The following ARHGAP1 variants were observed in gnomAD, a reference collection of about 807,000 sequenced individuals.
ARHGAP1 encodes rho GTPase-activating protein 1.
A neutral mutation model predicts 52.2 loss-of-function variants in ARHGAP1; 23 were observed. The ratio of observed to expected loss-of-function variants is 0.44; its 90% confidence interval spans 0.32 to 0.62. The LOEUF (loss-of-function observed/expected upper bound fraction) is 0.62. Ranked by LOEUF, ARHGAP1 falls within the 20% of genes least tolerant of loss-of-function variation. ARHGAP1 has a pLI of 0.05. For missense variants in ARHGAP1, 480 were observed against 560.9 expected, an observed-to-expected ratio of 0.86 and a Z score of 1.46; for synonymous variants, 210 against 228.4, an observed-to-expected ratio of 0.92 and a Z score of 0.73.
In ARHGAP1 at chr11:46,680,796, ACT is replaced by A. The variant is rs558151405; in HGVS notation, c.636-51_636-50del. ...TCAGGTCCTGCCTGGCTCTGGAGTCACTCTGCCAATTCAATCAAGCATTGACC... is the reference window on the plus strand; with the variant it reads ...TCAGGTCCTGCCTGGCTCTGGAGTCACTGCCAATTCAATCAAGCATTGACC... On this transcript the variant is annotated intron_variant, in intron 7 of 12. Transcript: ENST00000311956. The surrounding 1 kb of genome is among the most constrained non-coding windows in gnomAD (Gnocchi z 5.9). 26 of 1,388,864 alleles carry A rather than the reference ACT, an allele frequency of 1.9e-5. No homozygotes were observed. The highest frequency in any genetic ancestry group is 2.5e-5 in the Non-Finnish European group (26 of 1,024,824). The allele number at this position is 1,388,864 out of a possible 1,614,324, so 86.0% of individuals were successfully genotyped here. A position where few individuals can be genotyped will look rare whatever the true frequency, so the allele number is the denominator to read the frequency against.
chr11:46,678,666 C>T lies in ARHGAP1; in HGVS notation c.*371G>A. On this transcript the variant is annotated 3_prime_UTR_variant, in exon 13 of 13. Transcript: ENST00000311956. ...CAGCAATCAAGAGGGGAGGACTGGC[C>T]CCTGCTACCAGCCCAGCCGGCAGTC... The T allele has an allele frequency of 4.5e-6, 1 of 223,740 alleles. No homozygotes were observed. Among genetic ancestry groups the T allele is most frequent in the Non-Finnish European group, 8.9e-6 (1 of 111,768 alleles). 13.9% of individuals were successfully genotyped at this position (223,740 alleles called of 1,614,324 possible). A position where few individuals can be genotyped will look rare whatever the true frequency, so the allele number is the denominator to read the frequency against.
At chr11:46,700,323 G>A (rs565958372) in intron 1 of ARHGAP1, among the ~76,000 whole-genome samples, 2 of 152,042 alleles carry the variant, frequency 1.3e-5, no homozygotes, top group South Asian at 4.2e-4. Flanking sequence ...CTGCCCTGGG[G>A]AAGGCAGGAA....
intron 4 of ARHGAP1, among the ~76,000 whole-genome samples, chr11:46,683,528 G>A (rs2064544332): frequency 6.6e-6 from 1 of 152,088 alleles, no homozygotes; most frequent in Admixed American, 6.6e-5. Context: ...CTCATGACAC[G>A]CTATCTACCA....
intron 1 of ARHGAP1, chr11:46,697,408 T>C (rs934930441): frequency 2.0e-5 from 3 of 152,062 alleles, no homozygotes; most frequent in Non-Finnish European, 4.4e-5. Context: ...AAAACTGACA[T>C]ATATGGTCAG....
rs956678876 is a variant in ARHGAP1, at chr11:46,680,340, GCCC to G, written c.821-61_821-59del. On this transcript the variant is annotated intron_variant, in intron 9 of 12. Transcript: ENST00000311956. This position sits in a 1 kb window ranked among gnomAD's most constrained non-coding sequence, Gnocchi z 5.9. ...GCGCTGGGCACCGGCTGGATTCCCT[GCCC>G]CTTCTCTGTCTTGGGGTTCTAGGCA... 2.6e-5 allele frequency: 41 copies of G among 1,596,176 alleles called. No individual in the cohort carries two copies. The highest frequency in any genetic ancestry group is 5.4e-5 in the African/African-American group (4 of 74,580).
rs1004194001 is a variant in ARHGAP1 at position 46,681,468 on chromosome 11, CAG to C, written c.450-91_450-90del. On this transcript the variant is annotated intron_variant, in intron 5 of 12. Coordinates refer to ENST00000311956, the MANE Select transcript of ARHGAP1 (RefSeq NM_004308.5). This position sits in a 1 kb window ranked among gnomAD's most constrained non-coding sequence, Gnocchi z 5.7. ...CAGTGCATACTTTTTTTTTTTGAGA[CAG>C]AGTCTCCTTCACCCAGGCTGGAGTG... 30 of 944,838 alleles carry C rather than the reference CAG, an allele frequency of 3.2e-5. No individual in the cohort carries two copies. Among genetic ancestry groups the C allele is most frequent in the African/African-American group, 4.9e-5 (3 of 61,352 alleles). 58.5% of individuals were successfully genotyped at this position (944,838 alleles called of 1,614,324 possible).
chr11:46,692,296 G>A (rs1229855392), intron 3 of ARHGAP1, among the ~76,000 whole-genome samples: 1 of 152,172 alleles, frequency 6.6e-6, no homozygotes, highest in Non-Finnish European at 1.5e-5. Flanking sequence ...CTGGGAAGAG[G>A]GGGCCTCATC....
In ARHGAP1 at chr11:46,677,187, A is replaced by G. The variant is rs1200364140; in HGVS notation, c.*1850T>C. ...AATGTGAACACTGGATTCACACAGT[A>G]CAAGCACCCGCTCCCTGGGGTACAG... On this transcript the variant is annotated 3_prime_UTR_variant, in exon 13 of 13. Coordinates refer to ENST00000311956, the MANE Select transcript of ARHGAP1 (RefSeq NM_004308.5). The G allele has an allele frequency of 1.3e-5, 2 of 152,644 alleles. No homozygotes were observed. Among genetic ancestry groups the G allele is most frequent in the East Asian group, 3.8e-4 (2 of 5,198 alleles). 9.5% of individuals were successfully genotyped at this position (152,644 alleles called of 1,614,324 possible). A position where few individuals can be genotyped will look rare whatever the true frequency, so the allele number is the denominator to read the frequency against.
intron 3 of ARHGAP1, among the ~76,000 whole-genome samples, chr11:46,693,931 C>T (rs905663887): frequency 1.3e-5 from 2 of 152,218 alleles, no homozygotes; most frequent in African/African-American, 4.8e-5. Context: ...CAGCACACCA[C>T]TGGAAAGAAC....
chr11:46,687,433 G>A (rs2064579689), intron 4 of ARHGAP1: 1 of 152,314 alleles, frequency 6.6e-6, no homozygotes, highest in Admixed American at 6.5e-5. Flanking sequence ...GTCTCAAAGA[G>A]CTGCTTGGGA....
chr11:46,686,685 C>G (rs2064571253), intron 4 of ARHGAP1: 1 of 150,300 alleles, frequency 6.7e-6, no homozygotes, highest in Non-Finnish European at 1.5e-5. Flanking sequence ...TCCCAAAGTG[C>G]TAGGATTACA....
intron 2 of ARHGAP1, 75 bp from the exon 3 acceptor site, chr11:46,695,830 G>A: frequency 6.4e-7 from 1 of 1,573,864 alleles, no homozygotes; most frequent in Non-Finnish European, 8.7e-7. Flanking sequence ...ATGCTGTCTG[G>A]CCCTTCCCCC....
At chr11:46,682,325 A>G in intron 4 of ARHGAP1, 143 bp from the exon 5 acceptor site, 2 of 1,149,846 alleles carry the variant, frequency 1.7e-6, no homozygotes, top group Non-Finnish European at 2.4e-6. Flanking sequence ...CTGGCTCATA[A>G]TCAGTCACCA....
In ARHGAP1 at chr11:46,695,775, CA is replaced by C; in HGVS notation, c.134-21del. 6.4e-7 allele frequency: 1 copy of C among 1,553,158 alleles called. No homozygotes were observed. The highest frequency in any genetic ancestry group is 1.2e-5 in the South Asian group (1 of 84,438). On this transcript the variant is annotated intron_variant, in intron 2 of 12. Transcript: ENST00000311956. The stretch of plus-strand genomic sequence containing the variant: ...AGTCATCTGAGGAACACAGCAGGGT[CA>C]GGGGACAAGCCAGGGGGCTGGCACC...
rs377597974 is a variant in ARHGAP1, at chr11:46,680,204, C to A, written c.898+1G>T. On this transcript the variant is annotated splice_donor_variant, in intron 10 of 12. Coordinates refer to ENST00000311956, the MANE Select transcript of ARHGAP1 (RefSeq NM_004308.5). LOFTEE classifies it high-confidence loss of function. This position sits in a 1 kb window ranked among gnomAD's most constrained non-coding sequence, Gnocchi z 5.9. ...CCCTGCAACAGCCCAGGGCTGCTCA[C>A]CCATGTTGTACTTCTGCTGCACTTC... The A allele has an allele frequency of 6.2e-7, 1 of 1,614,108 alleles. No individual in the cohort carries two copies. The highest frequency in any genetic ancestry group is 8.5e-7 in the Non-Finnish European group (1 of 1,180,012).
Position 46,679,539 on chromosome 11 carries a change from A to G in ARHGAP1, c.1028-71T>C. 8 of 1,605,318 alleles carry G rather than the reference A, an allele frequency of 5.0e-6. No individual in the cohort carries two copies. The South Asian group carries it at 7.7e-5, about 15-fold the overall frequency. On this transcript the variant is annotated intron_variant, in intron 11 of 12. Transcript: ENST00000311956. The surrounding 1 kb of genome is among the most constrained non-coding windows in gnomAD (Gnocchi z 4.4). ...GGTTCAGGACGCTCTGATGCAGGCT[A>G]GAGGGGAGACCCCCAGCAGTCTTCC...
intron 1 of ARHGAP1, among the ~76,000 whole-genome samples, chr11:46,698,657 G>A (rs1054655178): frequency 6.6e-6 from 1 of 151,728 alleles, no homozygotes; most frequent in Non-Finnish European, 1.5e-5. Context: ...ATGTGAAGGA[G>A]GGAGAAGGAC....
intron 3 of ARHGAP1, chr11:46,694,972 G>A (rs2064641642): frequency 6.0e-6 from 1 of 165,384 alleles, no homozygotes; most frequent in Non-Finnish European, 1.3e-5. Context: ...CAGCAAGGAT[G>A]GACAAATGTT....
rs2064514849 is a variant in ARHGAP1 at position 46,680,323 on chromosome 11, C to T, written c.821-41G>A. The stretch of plus-strand genomic sequence containing the variant: ...GCCTGGTGAGCCTCCGAGCGCTGGG[C>T]ACCGGCTGGATTCCCTGCCCCTTCT... On this transcript the variant is annotated intron_variant, in intron 9 of 12. Transcript: ENST00000311956. The surrounding 1 kb of genome is among the most constrained non-coding windows in gnomAD (Gnocchi z 5.9). 1 of 1,606,164 alleles carries T rather than the reference C, an allele frequency of 6.2e-7. No individual in the cohort carries two copies. The highest frequency in any genetic ancestry group is 8.5e-7 in the Non-Finnish European group (1 of 1,173,122).
Sources: gnomAD v4.1 joint callset for allele counts (sites outside exome capture counted in the v4.1 genomes callset) on GRCh38, gnomAD v4.1.1 for gene constraint, Gnocchi (gnomAD v3.1) non-coding constraint, MANE v1.5 for transcripts, NCBI Gene and HGNC (gene_info 2026-07-23, HGNC 2026-07-21) for gene names.